Variants in RAI1 observed in about 807,000 individuals in gnomAD.
RAI1 encodes retinoic acid induced 1.
In RAI1, 9 loss-of-function variants were observed where a neutral mutation model predicts 123.8. The ratio of observed to expected loss-of-function variants is 0.07; its 90% confidence interval spans 0.04 to 0.13. RAI1 has a LOEUF of 0.13. RAI1 is among the 10% of genes least tolerant of loss of function. RAI1 has a pLI of 1.00. For missense variants in RAI1, 2,256 were observed against 2,545.8 expected (o/e 0.89, Z 2.45); for synonymous variants, 1,231 against 1,127.3 (o/e 1.09, Z -1.84).
Position 17,794,058 on chromosome 17 carries a change from T to G in RAI1, c.1110T>G (p.Phe370Leu), listed in dbSNP as rs754037858. The G allele has an allele frequency of 6.2e-6, 10 of 1,613,808 alleles. No individual in the cohort carries two copies. The highest frequency in any genetic ancestry group is 8.5e-6 in the Non-Finnish European group (10 of 1,180,004). ...CGCTGATGCCAAACCTGGAGAACTT[T>G]CCCTACAGCCAGCAGCCGCTCAGCA... ...PSPLMPNLEN[F>L]PYSQQPLSTG... Residue 370 changes from phenylalanine (F) to leucine (L), a missense_variant, in exon 3 of 6, where the codon TTT becomes TTG. By Grantham distance (22) the Phe-to-Leu change is conservative (BLOSUM62 0). Around this residue, in one of 7 missense-constraint regions of RAI1, gnomAD observed 357 missense variants for 480.2 expected, o/e 0.74. Transcript: ENST00000353383.
intron 2 of RAI1, among the ~76,000 whole-genome samples, chr17:17,765,505 C>T (rs1260071852): frequency 6.6e-6 from 1 of 152,252 alleles, no homozygotes; most frequent in East Asian, 1.9e-4. Context: ...GAGTGTGCAG[C>T]CCCAAACGGC....
At chr17:17,744,827 G>A (rs1046398939) in intron 2 of RAI1, among the ~76,000 whole-genome samples, 5 of 151,234 alleles carry the variant, frequency 3.3e-5, no homozygotes, top group Non-Finnish European at 5.9e-5. Flanking sequence ...AAACTGTAGA[G>A]GCACATAAAC....
chr17:17,795,864 G>A lies in RAI1; in HGVS notation c.2916G>A (p.Leu972=). 6.2e-7 allele frequency: 1 copy of A among 1,612,970 alleles called. No individual in the cohort carries two copies. The highest frequency in any genetic ancestry group is 8.5e-7 in the Non-Finnish European group (1 of 1,180,002). The change falls in exon 3 of 6, where the codon CTG becomes CTA. Residue 972 remains leucine (L), a synonymous_variant. Coordinates refer to ENST00000353383, the MANE Select transcript of RAI1 (RefSeq NM_030665.4). This position sits in a 1 kb window ranked among gnomAD's most constrained non-coding sequence, Gnocchi z 5.9. ...ATTCCACCACCTCGGACGCCTCTCTGGCCCAGAAGCCCAACAAGCCTGCTG... is the reference window on the plus strand; with the variant it reads ...ATTCCACCACCTCGGACGCCTCTCTAGCCCAGAAGCCCAACAAGCCTGCTG... ...PGDSTTSDAS[L]AQKPNKPAVP... is the part of the protein sequence containing the mutation.
At chr17:17,773,296 G>C (rs1375059712) in intron 2 of RAI1, among the ~76,000 whole-genome samples, 1 of 152,156 alleles carries the variant, frequency 6.6e-6, no homozygotes, top group Non-Finnish European at 1.5e-5. Context: ...GAGCTGGAGA[G>C]AAGGTGGAGG....
intron 1 of RAI1, among the ~76,000 whole-genome samples, chr17:17,690,820 GAGAA>G (rs1914812409): frequency 6.6e-6 from 1 of 152,216 alleles, no homozygotes; most frequent in African/African-American, 2.4e-5. Flanking sequence ...AGGAGACCCA[GAGAA>G]GCTTAACTCC....
intron 2 of RAI1, among the ~76,000 whole-genome samples, chr17:17,730,614 T>G (rs1916237943): frequency 6.6e-6 from 1 of 152,236 alleles, no homozygotes; most frequent in Admixed American, 6.5e-5. Context: ...GCCTCCTGGC[T>G]TCAATGCTGC....
chr17:17,709,403 A>G (rs537050215), intron 1 of RAI1, among the ~76,000 whole-genome samples: 1 of 151,776 alleles, frequency 6.6e-6, no homozygotes, highest in African/African-American at 2.4e-5. Context: ...CTGGCCCCCA[A>G]ATACTCCTAC....
At chr17:17,688,946 A>G (rs957956589) in intron 1 of RAI1, among the ~76,000 whole-genome samples, 2 of 145,572 alleles carry the variant, frequency 1.4e-5, no homozygotes, top group African/African-American at 5.1e-5. Context: ...AGAAGAGATC[A>G]CCATTATGAT....
At chr17:17,689,664 A>G (rs1914770513) in intron 1 of RAI1, among the ~76,000 whole-genome samples, 1 of 152,250 alleles carries the variant, frequency 6.6e-6, no homozygotes. Context: ...GTTCAGATCC[A>G]GGGTCTACCA....
intron 2 of RAI1, among the ~76,000 whole-genome samples, chr17:17,750,015 G>T (rs1380500907): frequency 6.6e-6 from 1 of 152,256 alleles, no homozygotes; most frequent in Non-Finnish European, 1.5e-5. Flanking sequence ...GTGGGTGGAG[G>T]TTTCCTCCAC....
In RAI1 at chr17:17,809,525, C is replaced by T. The variant is rs1443021063; in HGVS notation, c.5709+86C>T. ...GCACCTCCTTCACAGTCCCCTGGGC[C>T]CCCTTGGCTGCGCAGCCCCGCAGGG... On this transcript the variant is annotated intron_variant, in intron 5 of 5. Coordinates refer to ENST00000353383, the MANE Select transcript of RAI1 (RefSeq NM_030665.4). This position sits in a 1 kb window ranked among gnomAD's most constrained non-coding sequence, Gnocchi z 4.9. The T allele has an allele frequency of 4.9e-6, 7 of 1,426,170 alleles. No homozygotes were observed. The highest frequency in any genetic ancestry group is 6.9e-6 in the Non-Finnish European group (7 of 1,015,004). The allele number at this position is 1,426,170 out of a possible 1,614,324, so 88.3% of individuals were successfully genotyped here.
intron 2 of RAI1, among the ~76,000 whole-genome samples, chr17:17,743,036 T>C (rs1916695649): frequency 1.3e-5 from 2 of 152,238 alleles, no homozygotes; most frequent in Admixed American, 1.3e-4. Context: ...CAGCCCAGGC[T>C]GGAGTGCAGT....
chr17:17,795,657 G>C lies in RAI1; in HGVS notation c.2709G>C (p.Glu903Asp), dbSNP rs752676204. The change falls in exon 3 of 6, where the codon GAG becomes GAC. Residue 903 changes from glutamate (E) to aspartate (D), a missense_variant. This residue lies in a region of RAI1 where 566 missense variants were observed against 616.0 expected (regional missense o/e 0.92). Coordinates refer to ENST00000353383, the MANE Select transcript of RAI1 (RefSeq NM_030665.4). This position sits in a 1 kb window ranked among gnomAD's most constrained non-coding sequence, Gnocchi z 5.9. The stretch of plus-strand genomic sequence containing the variant: ...CCCCACTCATCTGCACCAAGGAGGA[G>C]GTGGAGGAGGTGCTGGACTCCAAGG... ...PKAPLICTKEEVEEVLDSKAG... is the reference protein window; with the variant it reads ...PKAPLICTKEDVEEVLDSKAG... 6.2e-6 allele frequency: 10 copies of C among 1,612,810 alleles called. No homozygotes were observed. Among genetic ancestry groups the C allele is most frequent in the South Asian group, 1.1e-5 (1 of 91,058 alleles).
rs2143006976 is a variant in RAI1, at chr17:17,809,902, TG to T, written c.5710-63del. ...TGGGGCTTAGGCGGGGGGCCCACAC[TG>T]GGGGCGGGGCCTATGGACTGTGAAG... On this transcript the variant is annotated intron_variant, in intron 5 of 5. Transcript: ENST00000353383. The surrounding 1 kb of genome is among the most constrained non-coding windows in gnomAD (Gnocchi z 4.9). The T allele has an allele frequency of 6.5e-7, 1 of 1,539,754 alleles. No homozygotes were observed. Among genetic ancestry groups the T allele is most frequent in the Non-Finnish European group, 8.8e-7 (1 of 1,142,660 alleles).
intron 1 of RAI1, among the ~76,000 whole-genome samples, chr17:17,721,271 TC>T (rs1915872029): frequency 1.3e-5 from 2 of 152,316 alleles, no homozygotes; most frequent in South Asian, 2.1e-4. Context: ...ACTTCATTGT[TC>T]CATGCATTCA....
At chr17:17,750,504 C>T (rs563708613) in intron 2 of RAI1, among the ~76,000 whole-genome samples, 3 of 151,800 alleles carry the variant, frequency 2.0e-5, no homozygotes, top group African/African-American at 2.4e-5. Flanking sequence ...GGTGGATCAC[C>T]TGAGGTCGAG....
chr17:17,682,884 G>C (rs1341493515), intron 1 of RAI1, among the ~76,000 whole-genome samples: 2 of 152,176 alleles, frequency 1.3e-5, no homozygotes, highest in Non-Finnish European at 2.9e-5. Context: ...TGAATGGATG[G>C]GAGCGAGTGT....
chr17:17,690,389 C>CA (rs34265723), intron 1 of RAI1, among the ~76,000 whole-genome samples: 2,765 of 122,224 alleles, frequency 0.023, 71 homozygotes, highest in African/African-American at 0.068. Context: ...GACCTTGTCT[C>CA]AAAAAAAAAA....
At chr17:17,805,301 C>T (rs1050324203) in intron 4 of RAI1, among the ~76,000 whole-genome samples, 1 of 152,156 alleles carries the variant, frequency 6.6e-6, no homozygotes, top group African/African-American at 2.4e-5. Flanking sequence ...GAACACTACC[C>T]ACACGGTGCT....
Sources: allele counts gnomAD v4.1 joint callset (sites outside exome capture counted in the v4.1 genomes callset), GRCh38; gene constraint gnomAD v4.1.1; regional missense constraint gnomAD v4.1.1; non-coding constraint Gnocchi (gnomAD v3.1); transcripts MANE v1.5; gene names NCBI Gene and HGNC (gene_info 2026-07-23, HGNC 2026-07-21).